Variants in ITPR1 observed in about 807,000 individuals in gnomAD.
The protein encoded by ITPR1 is inositol 1,4,5-trisphosphate-gated calcium channel ITPR1.
ITPR1 carries 96 observed loss-of-function variants against 318.4 expected under a neutral mutation model. The ratio of observed to expected loss-of-function variants is 0.30; its 90% CI spans 0.26 to 0.36. The LOEUF (loss-of-function observed/expected upper bound fraction) is 0.36. ITPR1 is among the 10% of genes least tolerant of loss of function. ITPR1 has a pLI of 1.00. For synonymous variants in ITPR1, 1,312 were observed against 1,289.9 expected (o/e 1.02, Z -0.37); for missense variants, 2,440 against 3,460.2 (o/e 0.71, Z 7.40).
chr3:4,521,772 G>C (rs1258915848), intron 4 of ITPR1, among the ~76,000 whole-genome samples: 3 of 152,220 alleles, frequency 2.0e-5, no homozygotes, highest in Non-Finnish European at 4.4e-5. Flanking sequence ...AGGAGGCTGA[G>C]GTTGGGAGGA....
chr3:4,713,058 T>A (rs1233116045), intron 39 of ITPR1, among the ~76,000 whole-genome samples: 2 of 151,988 alleles, frequency 1.3e-5, no homozygotes, highest in East Asian at 1.9e-4. Context: ...AGGCACCTAG[T>A]AGATCTCTTA....
intron 32 of ITPR1, 121 bp downstream of exon 32, chr3:4,691,465 A>G: frequency 3.0e-6 from 2 of 658,174 alleles, no homozygotes; most frequent in East Asian, 5.5e-5. Context: ...ACAGAAAGTA[A>G]TTGTGTGTGC....
chr3:4,528,465 G>A (rs921367716), intron 4 of ITPR1, among the ~76,000 whole-genome samples: 26 of 152,256 alleles, frequency 1.7e-4, no homozygotes, highest in African/African-American at 5.3e-4. Flanking sequence ...TCTTTCAAAC[G>A]ACCCTCCTTT....
chr3:4,621,231 C>T (rs926482266), intron 4 of ITPR1, among the ~76,000 whole-genome samples: 7 of 152,130 alleles, frequency 4.6e-5, no homozygotes, highest in African/African-American at 9.7e-5. Context: ...AAGCACGATG[C>T]TGGCATCTGC....
At position 4,688,697 on chromosome 3, in the gene ITPR1, G is replaced by T. The variant is rs551429034; in HGVS notation, c.3828+77G>T. ...AGGGAGGAGGAACAGCTTGTTCTTT[G>T]GCTGTTGTGGCTTCTGGGGCTTGTT... On this transcript the variant is annotated intron_variant, in intron 31 of 61. Transcript: ENST00000649015. 2.3e-5 allele frequency: 33 copies of T among 1,415,348 alleles called. No individual in the cohort carries two copies. The African/African-American group carries it at 4.0e-4, about 17-fold the overall frequency. The allele number at this position is 1,415,348 out of a possible 1,614,324, so 87.7% of individuals were successfully genotyped here. A position where few individuals can be genotyped will look rare whatever the true frequency, so the allele number is the denominator to read the frequency against.
intron 46 of ITPR1, among the ~76,000 whole-genome samples, chr3:4,773,453 T>C (rs1158445399): frequency 6.6e-6 from 1 of 152,252 alleles, no homozygotes; most frequent in East Asian, 1.9e-4. Context: ...CTCTCTTTCA[T>C]CCATAGAGAC....
Position 4,710,266 on chromosome 3 carries a change from C to T in ITPR1, c.4843-59C>T. 1.4e-6 allele frequency: 2 copies of T among 1,437,362 alleles called. No individual in the cohort carries two copies. Among genetic ancestry groups the T allele is most frequent in the Non-Finnish European group, 1.8e-6 (2 of 1,083,882 alleles). The allele number at this position is 1,437,362 out of a possible 1,614,324, so 89.0% of individuals were successfully genotyped here. A position where few individuals can be genotyped will look rare whatever the true frequency, so the allele number is the denominator to read the frequency against. On this transcript the variant is annotated intron_variant, in intron 37 of 61. Coordinates refer to ENST00000649015, the MANE Select transcript of ITPR1 (RefSeq NM_001378452.1). This position sits in a 1 kb window ranked among gnomAD's most constrained non-coding sequence, Gnocchi z 4.2. ...GTTTTAGGGCAGAAATCAATGTCCT[C>T]ACCCTCCTGTGGTCAGCGTCTGCCT...
Position 4,523,182 on chromosome 3 carries a change from G to C in ITPR1, c.163+2088G>C, listed in dbSNP as rs574862063. Among the ~76,000 whole-genome samples, 3 of 152,272 alleles carry C rather than the reference G, an allele frequency of 2.0e-5. No individual in the cohort carries two copies. The East Asian group carries it at 5.8e-4, about 29-fold the overall frequency. On this transcript the variant is annotated intron_variant, in intron 4 of 61. Transcript: ENST00000649015. Reference sequence around the variant, plus strand: ...CCGGAAGGCATTGCTTGGGTCCAGCGTGAGCTCTTATCTTGTTCTATATAC... The same window carrying C: ...CCGGAAGGCATTGCTTGGGTCCAGCCTGAGCTCTTATCTTGTTCTATATAC...
In ITPR1 at chr3:4,846,330, C is replaced by T. The variant is rs2051778362; in HGVS notation, c.*105C>T. 5.7e-6 allele frequency: 4 copies of T among 704,400 alleles called. No individual in the cohort carries two copies. Among genetic ancestry groups the T allele is most frequent in the Admixed American group, 5.0e-5 (2 of 40,224 alleles). 43.6% of individuals were successfully genotyped at this position (704,400 alleles called of 1,614,324 possible). ...ACGAAGGTTACATTTATGCTGAATA[C>T]ATTTGTAAATACTCAGTTTTATACT... On this transcript the variant is annotated 3_prime_UTR_variant, in exon 62 of 62. Transcript: ENST00000649015.
intron 4 of ITPR1, 34 bp downstream of exon 4, chr3:4,521,128 G>T (rs1441717460): frequency 6.8e-7 from 1 of 1,464,562 alleles, no homozygotes; most frequent in South Asian, 1.1e-5. Flanking sequence ...TAGTCACCTT[G>T]ACTCACTTGA....
Position 4,846,921 on chromosome 3 carries a change from ATT to A in ITPR1, c.*698_*699del, listed in dbSNP as rs1346236610. On this transcript the variant is annotated 3_prime_UTR_variant, in exon 62 of 62. Transcript: ENST00000649015. The stretch of plus-strand genomic sequence containing the variant: ...AGCTTCTAAATTGATCATTTAAACT[ATT>A]TCTTTAAATAAGAGAGCCAAATTAG... 4 of 152,662 alleles carry A rather than the reference ATT, an allele frequency of 2.6e-5. No homozygotes were observed. The highest frequency in any genetic ancestry group is 9.6e-5 in the African/African-American group (4 of 41,464). 9.5% of individuals were successfully genotyped at this position (152,662 alleles called of 1,614,324 possible).
At chr3:4,747,351 G>A (rs764384341) in intron 44 of ITPR1, among the ~76,000 whole-genome samples, 17 of 152,184 alleles carry the variant, frequency 1.1e-4, no homozygotes, top group Non-Finnish European at 2.2e-4. Flanking sequence ...GAGTCACAGA[G>A]CCAGCTGGTA....
At position 4,838,123 on chromosome 3, in the gene ITPR1, T is replaced by C. The variant is rs1041405095; in HGVS notation, c.8190+1188T>C. Reference sequence around the variant, plus strand: ...TAATATTTCTTTTCAAACTAAATTATTCCAAACTGTGCCCTGAGATACCAT... The same window carrying C: ...TAATATTTCTTTTCAAACTAAATTACTCCAAACTGTGCCCTGAGATACCAT... On this transcript the variant is annotated intron_variant, in intron 61 of 61. Transcript: ENST00000649015. Among the ~76,000 whole-genome samples the C allele has an allele frequency of 1.1e-4, 17 of 152,314 alleles. No homozygotes were observed. The South Asian group carries it at 1.7e-3, about 15-fold the overall frequency.
chr3:4,618,805 A>G (rs2092484728), intron 4 of ITPR1, among the ~76,000 whole-genome samples: 1 of 152,014 alleles, frequency 6.6e-6, no homozygotes, highest in Non-Finnish European at 1.5e-5. Context: ...TTTCTTTCTC[A>G]CATCTGTCTG....
intron 2 of ITPR1, among the ~76,000 whole-genome samples, chr3:4,510,440 T>A (rs2081724750): frequency 6.6e-6 from 1 of 151,602 alleles, no homozygotes; most frequent in South Asian, 2.1e-4. Context: ...CCTTAGGGAG[T>A]CCAGTTGAGA....
intron 44 of ITPR1, among the ~76,000 whole-genome samples, chr3:4,754,550 C>A (rs1230872538): frequency 2.0e-5 from 3 of 152,188 alleles, no homozygotes; most frequent in Non-Finnish European, 4.4e-5. Flanking sequence ...CTGGAAGCCA[C>A]CCTCAGAGGC....
chr3:4,645,402 T>C lies in ITPR1; in HGVS notation c.640T>C (p.Cys214Arg). The C allele has an allele frequency of 6.2e-7, 1 of 1,612,568 alleles. No individual in the cohort carries two copies. Among genetic ancestry groups the C allele is most frequent in the Non-Finnish European group, 8.5e-7 (1 of 1,178,814 alleles). Residue 214 changes from cysteine to arginine, a missense_variant, in exon 9 of 62, where the codon TGC becomes CGC. Cys to Arg is a radical substitution (Grantham distance 180). This residue lies in a region of ITPR1 where 186 missense variants were observed against 323.9 expected (regional missense o/e 0.57). Transcript: ENST00000649015. ...TGTGTTTCAGGTCAATTCCGTCAAC[T>C]GCAATACAAGCTGGAAAATAGTCCT... Reference protein sequence around the residue: ...PGCNEVNSVNCNTSWKIVLFM... With the variant: ...PGCNEVNSVNRNTSWKIVLFM...
chr3:4,526,692 A>G (rs1224020794), intron 4 of ITPR1, among the ~76,000 whole-genome samples: 1 of 152,232 alleles, frequency 6.6e-6, no homozygotes, highest in African/African-American at 2.4e-5. Flanking sequence ...TGTTCCCATT[A>G]TGCAGTTGAG....
intron 2 of ITPR1, among the ~76,000 whole-genome samples, chr3:4,502,153 T>C (rs889362510): frequency 6.6e-6 from 1 of 152,190 alleles, no homozygotes; most frequent in African/African-American, 2.4e-5. Context: ...GTGTGTATGT[T>C]GTACCTCATG....
Sources: gnomAD v4.1 joint callset for allele counts (sites outside exome capture counted in the v4.1 genomes callset) on GRCh38, gnomAD v4.1.1 for gene constraint, gnomAD v4.1.1 regional missense constraint, Gnocchi (gnomAD v3.1) non-coding constraint, MANE v1.5 for transcripts, NCBI Gene and HGNC (gene_info 2026-07-23, HGNC 2026-07-21) for gene names.